The following ELFN2 variants were observed in gnomAD, a reference collection of about 807,000 sequenced individuals.
ELFN2 encodes the protein extracellular leucine rich repeat and fibronectin type III domain containing 2, also known as protein phosphatase 1 regulatory subunit 29.
A neutral mutation model predicts 45.5 loss-of-function variants in ELFN2; 17 were observed. The ratio of observed to expected loss-of-function variants is 0.37; its 90% confidence interval spans 0.26 to 0.56. The LOEUF is 0.56. ELFN2 is among the 20% of genes least tolerant of loss of function. The pLI, the probability that ELFN2 is intolerant of heterozygous loss-of-function variation, is 0.77. For missense variants in ELFN2, 922 were observed against 1,183.2 expected (o/e 0.78, Z 3.24); for synonymous variants, 550 against 551.5 (o/e 1.00, Z 0.04).
intron 1 of ELFN2, among the ~76,000 whole-genome samples, chr22:37,351,388 G>A (rs2068696492): frequency 6.7e-6 from 1 of 150,278 alleles, no homozygotes; most frequent in Admixed American, 6.6e-5. Context: ...GTCCAGAGCT[G>A]TCTGGAATCC....
intron 2 of ELFN2, among the ~76,000 whole-genome samples, chr22:37,414,120 A>T (rs564702749): frequency 1.3e-5 from 2 of 152,176 alleles, no homozygotes; most frequent in Non-Finnish European, 2.9e-5. Flanking sequence ...AACCTCTACT[A>T]TGTGCCAGGC....
rs952571889 is a variant in ELFN2 at position 37,372,919 on chromosome 22, G to GGT, written c.*151_*152dup. Reference sequence around the variant, plus strand: ...TTTGTTCACAGTCGGGTGGTGGTCAGGTGTGTGTGTGCGTGCGTGCGTGCG... The same window carrying GGT: ...TTTGTTCACAGTCGGGTGGTGGTCAGGTGTGTGTGTGTGCGTGCGTGCGTGCG... On this transcript the variant is annotated 3_prime_UTR_variant, in exon 3 of 3. Coordinates refer to ENST00000402918, the MANE Select transcript of ELFN2 (RefSeq NM_052906.5). The surrounding 1 kb of genome is among the most constrained non-coding windows in gnomAD (Gnocchi z 4.4). 3.4e-4 allele frequency: 255 copies of GGT among 747,392 alleles called. No individual in the cohort carries two copies. Among genetic ancestry groups the GGT allele is most frequent in the South Asian group, 3.1e-3 (161 of 52,582 alleles). 46.3% of individuals were successfully genotyped at this position (747,392 alleles called of 1,614,324 possible).
At chr22:37,383,852 C>T (rs975485177) in intron 2 of ELFN2, among the ~76,000 whole-genome samples, 9 of 152,172 alleles carry the variant, frequency 5.9e-5, no homozygotes, top group African/African-American at 2.2e-4. Context: ...GTGCTTTGGA[C>T]GCGCATCTCC....
At chr22:37,392,814 C>A (rs1932117790) in intron 2 of ELFN2, among the ~76,000 whole-genome samples, 1 of 152,152 alleles carries the variant, frequency 6.6e-6, no homozygotes, top group South Asian at 2.1e-4. Flanking sequence ...CCATCTGTTC[C>A]CTGGTTTATC....
intron 1 of ELFN2, among the ~76,000 whole-genome samples, chr22:37,419,889 G>A (rs1356843680): frequency 3.9e-5 from 6 of 152,012 alleles, no homozygotes; most frequent in African/African-American, 1.4e-4. Flanking sequence ...CGCCCCCTGT[G>A]CCCCTGCCCA....
chr22:37,406,123 C>T (rs1816637928), intron 2 of ELFN2, among the ~76,000 whole-genome samples: 1 of 152,124 alleles, frequency 6.6e-6, no homozygotes, highest in Admixed American at 6.5e-5. Flanking sequence ...GCCTGGGCAA[C>T]AGGGTGAGAC....
chr22:37,357,682 T>C (rs1430974856), intron 1 of ELFN2, among the ~76,000 whole-genome samples: 1 of 152,184 alleles, frequency 6.6e-6, no homozygotes, highest in African/African-American at 2.4e-5. Flanking sequence ...CTTCCTTCCC[T>C]TGAGTCAGGC....
At position 37,372,358 on chromosome 22, in the gene ELFN2, G is replaced by C. The variant is rs947481003; in HGVS notation, c.*714C>G. The C allele has an allele frequency of 6.6e-6, 1 of 152,438 alleles. No homozygotes were observed. The highest frequency in any genetic ancestry group is 1.5e-5 in the Non-Finnish European group (1 of 68,100). 9.4% of individuals were successfully genotyped at this position (152,438 alleles called of 1,614,324 possible). On this transcript the variant is annotated 3_prime_UTR_variant, in exon 3 of 3. Transcript: ENST00000402918. The surrounding 1 kb of genome is among the most constrained non-coding windows in gnomAD (Gnocchi z 4.4). Reference sequence around the variant, plus strand: ...GGCTTTCTAGGAAGAAAAAGCACCTGCCTGATTCCCAAGTCCCTCAGCCCC... The same window carrying C: ...GGCTTTCTAGGAAGAAAAAGCACCTCCCTGATTCCCAAGTCCCTCAGCCCC...
chr22:37,366,459 T>C (rs1429949139), downstream of ELFN2, among the ~76,000 whole-genome samples: 1 of 152,180 alleles, frequency 6.6e-6, no homozygotes, highest in Non-Finnish European at 1.5e-5. Context: ...TCGAGGTTCG[T>C]TGACCCCTTT....
chr22:37,350,356 C>G (rs1475508757), intron 1 of ELFN2, among the ~76,000 whole-genome samples: 1 of 141,832 alleles, frequency 7.1e-6, no homozygotes, highest in Non-Finnish European at 1.6e-5. Flanking sequence ...CTGAGAAGGT[C>G]CCTCTGGTAC....
chr22:37,352,905 G>A (rs1312468670), intron 1 of ELFN2, among the ~76,000 whole-genome samples: 3 of 150,968 alleles, frequency 2.0e-5, no homozygotes, highest in Non-Finnish European at 4.5e-5. Context: ...ACAGGTCGGG[G>A]TGGAGGATGG....
At chr22:37,396,422 C>T (rs1217885429) in intron 2 of ELFN2, among the ~76,000 whole-genome samples, 3 of 152,224 alleles carry the variant, frequency 2.0e-5, no homozygotes, top group Admixed American at 1.3e-4. Context: ...TGTTAGCGCA[C>T]TCATTTCCAA....
chr22:37,400,189 C>T (rs1387942078), intron 2 of ELFN2, among the ~76,000 whole-genome samples: 2 of 152,198 alleles, frequency 1.3e-5, no homozygotes, highest in Non-Finnish European at 2.9e-5. Context: ...CCACCCTCCA[C>T]TCCACTCAGA....
At chr22:37,379,641 C>T (rs550778053) in intron 2 of ELFN2, among the ~76,000 whole-genome samples, 3 of 152,328 alleles carry the variant, frequency 2.0e-5, no homozygotes, top group African/African-American at 4.8e-5. Flanking sequence ...TGCTGTAGGA[C>T]GTCCCCTCTC....
intron 1 of ELFN2, among the ~76,000 whole-genome samples, chr22:37,344,997 A>G (rs1470067950): frequency 6.6e-6 from 1 of 152,126 alleles, no homozygotes; most frequent in Admixed American, 6.5e-5. Context: ...GAGCCAGCCC[A>G]GGCACCTGCC....
intron 1 of ELFN2, among the ~76,000 whole-genome samples, chr22:37,362,734 G>A (rs2145623199): frequency 6.6e-6 from 1 of 151,556 alleles, no homozygotes; most frequent in South Asian, 2.1e-4. Context: ...TAGAGCAGGG[G>A]TAAAGCCCCT....
At chr22:37,415,734 G>C (rs895229845) in intron 2 of ELFN2, among the ~76,000 whole-genome samples, 1 of 152,104 alleles carries the variant, frequency 6.6e-6, no homozygotes, top group Non-Finnish European at 1.5e-5. Flanking sequence ...AGGCTGAGGC[G>C]GGTGGATCAC....
At chr22:37,407,385 G>A (rs1172127681) in intron 2 of ELFN2, among the ~76,000 whole-genome samples, 1 of 152,144 alleles carries the variant, frequency 6.6e-6, no homozygotes, top group Admixed American at 6.5e-5. Context: ...GCTCTGTGCT[G>A]GCACCACAGG....
At chr22:37,357,219 C>T (rs1255756473) in intron 1 of ELFN2, among the ~76,000 whole-genome samples, 1 of 152,172 alleles carries the variant, frequency 6.6e-6, no homozygotes, top group African/African-American at 2.4e-5. Flanking sequence ...TGTCAGCTGC[C>T]TTTTTAGGAC....
Sources: gnomAD v4.1 joint callset for allele counts (sites outside exome capture counted in the v4.1 genomes callset) on GRCh38, gnomAD v4.1.1 for gene constraint, Gnocchi (gnomAD v3.1) non-coding constraint, MANE v1.5 for transcripts, NCBI Gene and HGNC (gene_info 2026-07-23, HGNC 2026-07-21) for gene names.